ABCB9: variants seen among roughly 807,000 people sequenced by gnomAD.
The protein encoded by ABCB9 is ABC-type oligopeptide transporter ABCB9.
ABCB9 carries 36 observed loss-of-function variants against 62.0 expected under a neutral mutation model. The observed-to-expected ratio is 0.58, with a 90% CI of 0.45 to 0.77. The LOEUF (loss-of-function observed/expected upper bound fraction) is 0.77, where lower values mean the gene tolerates loss of function less well. Ranked by LOEUF, ABCB9 falls within the 30% of genes least tolerant of loss-of-function variation. The pLI is 0.00. For missense variants in ABCB9, 943 were observed against 1,054.7 expected (o/e 0.89, Z 1.47); for synonymous variants, 435 against 461.4 (o/e 0.94, Z 0.73).
chr12:122,927,384 C>G (rs575828955), downstream of ABCB9, among the ~76,000 whole-genome samples: 1 of 152,148 alleles, frequency 6.6e-6, no homozygotes, highest in Admixed American at 6.6e-5. Flanking sequence ...GTTGGCCAGG[C>G]TGGTCTTGAA....
At chr12:122,968,890 C>T (rs932089149), upstream of ABCB9, among the ~76,000 whole-genome samples, 3 of 152,256 alleles carry the variant, frequency 2.0e-5, no homozygotes, top group East Asian at 3.9e-4. Flanking sequence ...GCTGGGATTA[C>T]AAGCATCAGC....
At chr12:122,921,145 T>TG (rs1371365242) in intron 11 of ABCB9, 2 of 1,203,912 alleles carry the variant, frequency 1.7e-6, no homozygotes, top group South Asian at 2.6e-5. Flanking sequence ...CTGGGCGTGA[T>TG]GGGGCACACC....
intron 1 of ABCB9, among the ~76,000 whole-genome samples, chr12:122,963,423 C>T (rs1312204779): frequency 1.3e-5 from 2 of 152,164 alleles, no homozygotes; most frequent in Admixed American, 6.6e-5. Context: ...ACATTGGCTC[C>T]AGGCACTTAC....
At chr12:122,955,374 C>T (rs979187586) in intron 2 of ABCB9, among the ~76,000 whole-genome samples, 4 of 152,204 alleles carry the variant, frequency 2.6e-5, no homozygotes, top group Admixed American at 6.5e-5. Context: ...CCCAGCAGGT[C>T]GGGTAAACAA....
In ABCB9 at chr12:122,935,466, G is replaced by C. The variant is rs757191236; in HGVS notation, c.1744-35C>G. ...AGGGAGCATGGAGCATGAGAGGCCA[G>C]GAATGTGTTCATCCAGCTGTCCCCA... On this transcript the variant is annotated intron_variant, in intron 9 of 11. Transcript: ENST00000280560. The C allele has an allele frequency of 8.1e-6, 13 of 1,597,078 alleles. No individual in the cohort carries two copies. The South Asian group carries it at 1.5e-4, about 18-fold the overall frequency.
At chr12:122,958,848 G>GA (rs2036746439) in intron 2 of ABCB9, among the ~76,000 whole-genome samples, 1 of 151,228 alleles carries the variant, frequency 6.6e-6, no homozygotes, top group Non-Finnish European at 1.5e-5. Flanking sequence ...TCTAAAAAAA[G>GA]AAAAAAACAG....
At chr12:122,927,572 T>C (rs373046819), downstream of ABCB9, among the ~76,000 whole-genome samples, 90 of 152,220 alleles carry the variant, frequency 5.9e-4, no homozygotes, top group African/African-American at 1.6e-3. Context: ...TGGGTGTGGG[T>C]TTACAAATCA....
chr12:122,920,850 T>A (rs180875591), downstream of ABCB9: 2 of 563,930 alleles, frequency 3.5e-6, no homozygotes, highest in Non-Finnish European at 6.2e-6. Context: ...GAGGCAGATG[T>A]TGCAGTGAGG....
At chr12:122,953,907 C>T (rs1393325101) in intron 2 of ABCB9, among the ~76,000 whole-genome samples, 2 of 152,180 alleles carry the variant, frequency 1.3e-5, no homozygotes, top group Non-Finnish European at 2.9e-5. Context: ...TTATTCCTTC[C>T]ATTTGTGGAA....
Position 122,932,217 on chromosome 12 carries a change from G to A in ABCB9, c.2015C>T (p.Ala672Val). The A allele has an allele frequency of 6.4e-7, 1 of 1,552,824 alleles. No homozygotes were observed. Among genetic ancestry groups the A allele is most frequent in the Non-Finnish European group, 8.7e-7 (1 of 1,147,892 alleles). The change falls in exon 11 of 12, where the codon GCT becomes GTT. Residue 672 changes from alanine (A) to valine (V), a missense_variant. Transcript: ENST00000280560. This position sits in a 1 kb window ranked among gnomAD's most constrained non-coding sequence, Gnocchi z 4.7. ...CAGATACTCGCTCTCGGCATCCAAA[G>A]CGCTGGTGGCTTCATCCAGGATGAG... ...PVLILDEATS[A>V]LDAESEYLIQ...
intron 5 of ABCB9, 159 bp from the exon 6 acceptor site, chr12:122,946,381 A>C: frequency 7.2e-6 from 5 of 689,838 alleles, no homozygotes; most frequent in South Asian, 1.9e-5. Context: ...TTTCTCCCCC[A>C]TCCCCTTCTG....
In ABCB9 at chr12:122,934,827, G is replaced by GA. The variant is rs58045778; in HGVS notation, c.1903+444dup. ...TTTTATCTCCCCAGTCCTTTAATAG[G>GA]AAAAAAAAAACCCAGCTCCTTATGC... On this transcript the variant is annotated intron_variant, in intron 10 of 11. Transcript: ENST00000280560. Among the ~76,000 whole-genome samples the GA allele has an allele frequency of 7.3e-3, 1,067 of 146,394 alleles. 15 individuals are homozygous for GA. Among genetic ancestry groups the GA allele is most frequent in the African/African-American group, 0.024 (954 of 39,766 alleles).
chr12:122,948,431 T>C (rs1032707797), intron 5 of ABCB9, 193 bp downstream of exon 5: 5 of 553,042 alleles, frequency 9.0e-6, no homozygotes, highest in Non-Finnish European at 1.5e-5. Context: ...TTCACTGATG[T>C]ATCCCAGTGC....
At chr12:122,924,986 A>G (rs55939945), downstream of ABCB9, among the ~76,000 whole-genome samples, 5,867 of 152,190 alleles carry the variant, frequency 0.039, 366 homozygotes, top group African/African-American at 0.13. Context: ...GCATGATACC[A>G]GCTCACCACA....
intron 11 of ABCB9, among the ~76,000 whole-genome samples, chr12:122,923,664 C>T (rs1381008485): frequency 6.6e-6 from 1 of 152,142 alleles, no homozygotes. Context: ...TAACTCAGGG[C>T]CCCCTGACAG....
chr12:122,948,938 ACCT>A, intron 4 of ABCB9, 109 bp from the exon 5 acceptor site: 3 of 355,662 alleles, frequency 8.4e-6, no homozygotes, highest in Non-Finnish European at 1.3e-5. Flanking sequence ...GGGCCTCCCT[ACCT>A]GTGGGCGGGG....
In ABCB9 at chr12:122,966,365, AT is replaced by A. The variant is rs2037175079; in HGVS notation, c.-167del. 1 of 152,402 alleles carries A rather than the reference AT, an allele frequency of 6.6e-6. No homozygotes were observed. The highest frequency in any genetic ancestry group is 1.5e-5 in the Non-Finnish European group (1 of 68,208). 9.4% of individuals were successfully genotyped at this position (152,402 alleles called of 1,614,324 possible). Reference sequence around the variant, plus strand: ...CTGGGGTGCAGTTTCCGCGCTGCTCATTGAAGACTGCGCCGGACGCGGTCCT... The same window carrying A: ...CTGGGGTGCAGTTTCCGCGCTGCTCATGAAGACTGCGCCGGACGCGGTCCT... On this transcript the variant is annotated 5_prime_UTR_variant, in exon 1 of 12. It adds an upstream start codon to the 5' untranslated region. Transcript: ENST00000280560.
chr12:122,925,010 G>A (rs1328518458), downstream of ABCB9, among the ~76,000 whole-genome samples: 1 of 152,218 alleles, frequency 6.6e-6, no homozygotes, highest in South Asian at 2.1e-4. Context: ...TCCACCTTCC[G>A]AGTTCAAGCA....
chr12:122,972,037 C>CTTTTTTTTTTTTTTTTTT lies in ABCB9; in HGVS notation c.-88+2660_-88+2677dup, dbSNP rs57112984. Among the ~76,000 whole-genome samples the CTTTTTTTTTTTTTTTTTT allele has an allele frequency of 1.5e-4, 15 of 99,270 alleles. 2 individuals carry two copies. The highest frequency in any genetic ancestry group is 1.5e-4 in the Non-Finnish European group (8 of 53,234). 65.1% of individuals were successfully genotyped at this position (99,270 alleles called of 152,430 possible). A position where few individuals can be genotyped will look rare whatever the true frequency, so the allele number is the denominator to read the frequency against. ...TTCATAGCAGCTTCATTCATAATGT[C>CTTTTTTTTTTTTTTTTTT]TTTTTTTTTTTTTTTTTTTTTTGTT... On this transcript the variant is annotated intron_variant, in intron 1 of 11. Transcript: ENST00000392439.
Sources: gnomAD v4.1 joint callset for allele counts (sites outside exome capture counted in the v4.1 genomes callset) on GRCh38, gnomAD v4.1.1 for gene constraint, Gnocchi (gnomAD v3.1) non-coding constraint, MANE v1.5 for transcripts, NCBI Gene and HGNC (gene_info 2026-07-23, HGNC 2026-07-21) for gene names.